Variants in PTPRT observed in about 807,000 individuals in gnomAD.
PTPRT encodes the protein receptor-type tyrosine-protein phosphatase T.
PTPRT carries 56 observed loss-of-function variants against 176.8 expected under a neutral mutation model. That is an observed-to-expected ratio of 0.32 (90% CI 0.26 to 0.40). The LOEUF is 0.40. Ranked by LOEUF, PTPRT falls within the 10% of genes least tolerant of loss-of-function variation. The pLI is 1.00. For missense variants in PTPRT, 1,540 were observed against 1,908.2 expected (o/e 0.81, Z 3.60); for synonymous variants, 783 against 739.0 (o/e 1.06, Z -0.96).
intron 5 of PTPRT, among the ~76,000 whole-genome samples, chr20:42,760,871 G>C (rs2076905524): frequency 6.6e-6 from 1 of 152,158 alleles, no homozygotes; most frequent in Non-Finnish European, 1.5e-5. Flanking sequence ...TCATGCTGAA[G>C]ATGTACTCAT....
chr20:42,125,072 G>T (rs1987787859), intron 19 of PTPRT, among the ~76,000 whole-genome samples: 1 of 152,252 alleles, frequency 6.6e-6, no homozygotes, highest in East Asian at 1.9e-4. Context: ...TTCTTGAAGG[G>T]CAGCCCTCTC....
chr20:42,071,414 C>G (rs1413173254), downstream of PTPRT, among the ~76,000 whole-genome samples: 1 of 152,158 alleles, frequency 6.6e-6, no homozygotes, highest in Non-Finnish European at 1.5e-5. Flanking sequence ...CCTCTAATAA[C>G]AACAGCATTA....
At chr20:42,985,493 CTAAATAAA>C (rs1038512883) in intron 1 of PTPRT, among the ~76,000 whole-genome samples, 1 of 151,700 alleles carries the variant, frequency 6.6e-6, no homozygotes. Flanking sequence ...GACTCCGTTG[CTAAATAAA>C]TAAATAAATA....
intron 1 of PTPRT, among the ~76,000 whole-genome samples, chr20:42,905,051 G>C (rs893907159): frequency 6.6e-6 from 1 of 152,142 alleles, no homozygotes; most frequent in African/African-American, 2.4e-5. Flanking sequence ...GGCAACAAAA[G>C]CCAAAATAGA....
At position 43,043,405 on chromosome 20, in the gene PTPRT, A is replaced by T. The variant is rs114968947; in HGVS notation, c.88+146241T>A. ...TAGGGCAAGAAGGAAAGAAAAAAAA[A>T]TAAGCAATAGTTAGTATTAACAGAT... On this transcript the variant is annotated intron_variant, in intron 1 of 30. Coordinates refer to ENST00000373187, the MANE Select transcript of PTPRT (RefSeq NM_007050.6). Among the ~76,000 whole-genome samples the T allele has an allele frequency of 6.5e-3, 995 of 152,372 alleles. 8 individuals are homozygous for T. Among genetic ancestry groups the T allele is most frequent in the African/African-American group, 0.023 (967 of 41,590 alleles).
chr20:42,335,288 A>C (rs1274266595), intron 11 of PTPRT, among the ~76,000 whole-genome samples: 1 of 152,184 alleles, frequency 6.6e-6, no homozygotes, highest in Non-Finnish European at 1.5e-5. Flanking sequence ...GGAGATAGGA[A>C]GAGGATTTCA....
intron 7 of PTPRT, among the ~76,000 whole-genome samples, chr20:42,542,932 A>G (rs1406502732): frequency 6.6e-6 from 1 of 152,236 alleles, no homozygotes; most frequent in Admixed American, 6.5e-5. Flanking sequence ...CAACAGAATT[A>G]TGTCTAAAAT....
intron 2 of PTPRT, among the ~76,000 whole-genome samples, chr20:42,806,653 A>G (rs1338509268): frequency 6.6e-6 from 1 of 152,142 alleles, no homozygotes; most frequent in East Asian, 1.9e-4. Flanking sequence ...ACAACTACTC[A>G]ATTCTACTGT....
At chr20:42,263,059 T>TG (rs2056776485) in intron 13 of PTPRT, among the ~76,000 whole-genome samples, 1 of 151,964 alleles carries the variant, frequency 6.6e-6, no homozygotes, top group Admixed American at 6.6e-5. Context: ...ACATGATCAG[T>TG]TTGAACGGGT....
At chr20:42,993,921 G>A (rs1208712920) in intron 1 of PTPRT, among the ~76,000 whole-genome samples, 2 of 152,088 alleles carry the variant, frequency 1.3e-5, no homozygotes, top group Non-Finnish European at 2.9e-5. Flanking sequence ...TCAAATAGAA[G>A]AGAAACTGTC....
chr20:42,568,477 C>T (rs1400257485), intron 7 of PTPRT, among the ~76,000 whole-genome samples: 1 of 152,168 alleles, frequency 6.6e-6, no homozygotes, highest in Non-Finnish European at 1.5e-5. Flanking sequence ...CTCCGAAGTC[C>T]ACCTATAACC....
rs150116086 is a variant in PTPRT at position 42,866,225 on chromosome 20, T to C, written c.214+19582A>G. Among the ~76,000 whole-genome samples, 382 of 152,324 alleles carry C rather than the reference T, an allele frequency of 2.5e-3. 1 individual carries two copies. Among genetic ancestry groups the C allele is most frequent in the African/African-American group, 8.7e-3 (362 of 41,572 alleles). On this transcript the variant is annotated intron_variant, in intron 2 of 30. Coordinates refer to ENST00000373187, the MANE Select transcript of PTPRT (RefSeq NM_007050.6). ...ACACTTTCACTTGCTAAGAACCCAGTATTGTGGGCACAGAGGTAGGGTCTC... is the reference window on the plus strand; with the variant it reads ...ACACTTTCACTTGCTAAGAACCCAGCATTGTGGGCACAGAGGTAGGGTCTC...
At chr20:42,727,244 A>G (rs993453479) in intron 6 of PTPRT, among the ~76,000 whole-genome samples, 1 of 152,118 alleles carries the variant, frequency 6.6e-6, no homozygotes, top group East Asian at 1.9e-4. Flanking sequence ...GTATGTCCCA[A>G]ATTTGATATC....
intron 18 of PTPRT, 97 bp from the exon 19 acceptor site, chr20:42,128,927 A>G (rs1386774069): frequency 3.0e-6 from 3 of 1,003,166 alleles, no homozygotes; most frequent in Non-Finnish European, 2.8e-6. Context: ...ACTGCATATC[A>G]GGCATTGTGC....
intron 2 of PTPRT, among the ~76,000 whole-genome samples, chr20:42,804,291 CT>C (rs1445775631): frequency 2.0e-5 from 3 of 152,152 alleles, no homozygotes; most frequent in African/African-American, 7.2e-5. Context: ...CCCTCCTCCC[CT>C]GTCCCACTTT....
intron 1 of PTPRT, chr20:43,063,227 A>C (rs1411414550): frequency 6.6e-6 from 1 of 152,240 alleles, no homozygotes; most frequent in Non-Finnish European, 1.5e-5. Flanking sequence ...CAAAGTTGCA[A>C]ACATGTTAGT....
At chr20:42,237,985 C>A (rs961512118) in intron 14 of PTPRT, among the ~76,000 whole-genome samples, 11 of 152,116 alleles carry the variant, frequency 7.2e-5, no homozygotes, top group African/African-American at 2.4e-4. Flanking sequence ...TCTTCACAGC[C>A]CCAAATTTTC....
intron 2 of PTPRT, among the ~76,000 whole-genome samples, chr20:42,800,210 C>A (rs145301073): frequency 4.6e-5 from 7 of 152,292 alleles, no homozygotes; most frequent in African/African-American, 1.7e-4. Flanking sequence ...CAAGGCCACA[C>A]AGCTGGTAGC....
At chr20:42,048,851 C>T in the PTPRT span, among the ~76,000 whole-genome samples, 8 of 152,240 alleles carry the variant, frequency 5.3e-5, no homozygotes, top group East Asian at 7.7e-4. Context: ...GATGCACTTT[C>T]GCTCTTATTG....
Sources: gnomAD v4.1 joint callset for allele counts (sites outside exome capture counted in the v4.1 genomes callset) on GRCh38, gnomAD v4.1.1 for gene constraint, MANE v1.5 for transcripts, NCBI Gene and HGNC (gene_info 2026-07-23, HGNC 2026-07-21) for gene names.